PPFIA1: variants seen among roughly 807,000 people sequenced by gnomAD.
The protein encoded by PPFIA1 is PPFI scaffold protein A1.
In PPFIA1, 25 loss-of-function variants were observed where a neutral mutation model predicts 149.9. The ratio of observed to expected loss-of-function variants is 0.17; its 90% CI spans 0.12 to 0.23. The LOEUF is 0.23. Ranked by LOEUF, PPFIA1 falls within the 10% of genes least tolerant of loss-of-function variation. The pLI is 1.00. For missense variants in PPFIA1, 1,362 were observed against 1,506.5 expected (o/e 0.90, Z 1.59); for synonymous variants, 549 against 552.8 (o/e 0.99, Z 0.10).
At chr11:70,370,098 G>A (rs774361018) in intron 21 of PPFIA1, among the ~76,000 whole-genome samples, 7 of 151,828 alleles carry the variant, frequency 4.6e-5, no homozygotes, top group Non-Finnish European at 1.0e-4. Context: ...TTACAGGCAT[G>A]TGCCACCATG....
At chr11:70,304,183 A>G (rs187619596) in intron 2 of PPFIA1, among the ~76,000 whole-genome samples, 111 of 152,270 alleles carry the variant, frequency 7.3e-4, no homozygotes, top group Non-Finnish European at 1.3e-3. Context: ...CCCTAAAAGG[A>G]TAGGATTCTG....
chr11:70,362,051 AT>A (rs1373705393), intron 19 of PPFIA1, 43 bp from the exon 20 acceptor site: 2 of 1,580,968 alleles, frequency 1.3e-6, no homozygotes, highest in East Asian at 4.5e-5. Flanking sequence ...GTGAGCTACC[AT>A]GCCTGGCTGA....
intron 3 of PPFIA1, 131 bp from the exon 4 acceptor site, chr11:70,324,716 G>T: frequency 1.0e-6 from 1 of 974,428 alleles, no homozygotes. Flanking sequence ...CAATTGAGAG[G>T]AATTTGTTTT....
chr11:70,349,171 A>G (rs2055899158), intron 16 of PPFIA1, among the ~76,000 whole-genome samples: 6 of 151,584 alleles, frequency 4.0e-5, no homozygotes, highest in South Asian at 4.2e-4. Flanking sequence ...AAAACATGAA[A>G]TGGGTTCTGC....
At chr11:70,295,133 G>A (rs966928318) in intron 2 of PPFIA1, among the ~76,000 whole-genome samples, 4 of 152,042 alleles carry the variant, frequency 2.6e-5, no homozygotes, top group South Asian at 2.1e-4. Context: ...AGGGGCGGCC[G>A]GGCAGAGGCG....
chr11:70,314,804 C>T (rs779802048), intron 2 of PPFIA1, among the ~76,000 whole-genome samples: 4 of 152,028 alleles, frequency 2.6e-5, no homozygotes, highest in Non-Finnish European at 4.4e-5. Flanking sequence ...TGTATTAGTC[C>T]GTTCTCACAC....
chr11:70,304,311 A>T (rs1192299953), intron 2 of PPFIA1, among the ~76,000 whole-genome samples: 1 of 151,560 alleles, frequency 6.6e-6, no homozygotes, highest in African/African-American at 2.4e-5. Flanking sequence ...TCTGCTGTTC[A>T]CCTGGGTCCT....
chr11:70,289,448 A>G (rs1050115965), intron 2 of PPFIA1, among the ~76,000 whole-genome samples: 1 of 152,166 alleles, frequency 6.6e-6, no homozygotes, highest in Non-Finnish European at 1.5e-5. Context: ...TTCCTTATCT[A>G]TGATATTCAT....
chr11:70,332,158 C>A, intron 9 of PPFIA1, 64 bp downstream of exon 9: 2 of 1,489,526 alleles, frequency 1.3e-6, no homozygotes, highest in Non-Finnish European at 1.8e-6. Context: ...GCCTGTGTAC[C>A]TTGTTTGTCA....
intron 7 of PPFIA1, 35 bp downstream of exon 7, chr11:70,326,853 A>T (rs746650495): frequency 2.5e-5 from 39 of 1,559,466 alleles, no homozygotes; most frequent in Non-Finnish European, 3.4e-5. Flanking sequence ...CTTGTCATGA[A>T]GTTGTATGTT....
chr11:70,350,018 C>T (rs1459545944), intron 16 of PPFIA1: 3 of 448,672 alleles, frequency 6.7e-6, no homozygotes, highest in Admixed American at 2.5e-5. Flanking sequence ...CATGCTATAG[C>T]GATTCTTCAC....
At chr11:70,365,914 T>C (rs2135288570) in intron 21 of PPFIA1, 1 of 456,516 alleles carries the variant, frequency 2.2e-6, no homozygotes, top group East Asian at 6.9e-5. Context: ...GTTATGTTCT[T>C]TTGCATTCCT....
At chr11:70,277,060 A>ATAATATATATATATATATATATTTT in intron 2 of PPFIA1, among the ~76,000 whole-genome samples, 1 of 66,326 alleles carries the variant, frequency 1.5e-5, no homozygotes, top group African/African-American at 1.2e-4. Flanking sequence ...ATATATATAT[A>ATAATATATATATATATATATATTTT]TTTTTTTTTT....
rs1344871770 is a variant in PPFIA1, at chr11:70,337,220, C to G, written c.1429-145C>G. 4 of 524,126 alleles carry G rather than the reference C, an allele frequency of 7.6e-6. No individual in the cohort carries two copies. The Admixed American group carries it at 1.2e-4, about 16-fold the overall frequency. The allele number at this position is 524,126 out of a possible 1,614,324, so 32.5% of individuals were successfully genotyped here. On this transcript the variant is annotated intron_variant, in intron 11 of 27. Coordinates refer to ENST00000253925, the MANE Select transcript of PPFIA1 (RefSeq NM_003626.5). ...AGGTGTCGCCGCCTCACGGTCTAAC[C>G]CTGGGACTACAGCAGTGCTTGCTGG...
chr11:70,357,587 A>ATT (rs879479086), intron 19 of PPFIA1, among the ~76,000 whole-genome samples: 8 of 142,472 alleles, frequency 5.6e-5, no homozygotes, highest in African/African-American at 1.3e-4. Context: ...CTGTGTAAGA[A>ATT]TTTTTTTTTT....
At chr11:70,292,960 C>T (rs1051758525) in intron 2 of PPFIA1, among the ~76,000 whole-genome samples, 2 of 152,212 alleles carry the variant, frequency 1.3e-5, no homozygotes, top group Non-Finnish European at 2.9e-5. Context: ...CCACTCCTTG[C>T]ACCTACTCCA....
intron 11 of PPFIA1, among the ~76,000 whole-genome samples, chr11:70,336,666 C>CT (rs1378568252): frequency 2.0e-5 from 3 of 152,190 alleles, no homozygotes; most frequent in Admixed American, 6.5e-5. Flanking sequence ...AGCCTGGACT[C>CT]TGAGTACTGT....
At chr11:70,362,213 C>T in intron 20 of PPFIA1, 37 bp downstream of exon 20, 1 of 1,612,670 alleles carries the variant, frequency 6.2e-7, no homozygotes, top group Non-Finnish European at 8.5e-7. Context: ...GCGTGGGTTA[C>T]AGTATGTGAA....
At chr11:70,308,723 G>A (rs1446998943) in intron 2 of PPFIA1, among the ~76,000 whole-genome samples, 1 of 152,036 alleles carries the variant, frequency 6.6e-6, no homozygotes, top group Non-Finnish European at 1.5e-5. Context: ...CTTGAGGCCA[G>A]GAGTTCAAGA....
Sources: gnomAD v4.1 joint callset for allele counts (sites outside exome capture counted in the v4.1 genomes callset) on GRCh38, gnomAD v4.1.1 for gene constraint, MANE v1.5 for transcripts, NCBI Gene and HGNC (gene_info 2026-07-23, HGNC 2026-07-21) for gene names.